Variants in SLC24A2 observed in about 807,000 individuals in gnomAD.
SLC24A2 encodes sodium/potassium/calcium exchanger 2.
Under a neutral mutation model 62.0 loss-of-function variants are expected in SLC24A2, and 36 were observed. That is an observed-to-expected ratio of 0.58 (90% confidence interval 0.44 to 0.77). SLC24A2 has a LOEUF of 0.77. SLC24A2 is among the 30% of genes least tolerant of loss of function. The pLI is 0.00. For synonymous variants in SLC24A2, 358 were observed against 294.0 expected, an observed-to-expected ratio of 1.22 and a Z score of -2.23; for missense variants, 846 against 817.9, an observed-to-expected ratio of 1.03 and a Z score of -0.42.
chr9:20,164,246 T>C, the SLC24A2 span, among the ~76,000 whole-genome samples: 1 of 151,834 alleles, frequency 6.6e-6, no homozygotes, highest in African/African-American at 2.4e-5. Context: ...GACAAAGGGC[T>C]AATATCCAGA....
intron 5 of SLC24A2, among the ~76,000 whole-genome samples, chr9:19,584,273 T>TAAAAAAAAAAAAAAAAAAAAAA (rs5896848): frequency 5.0e-5 from 6 of 119,932 alleles, no homozygotes; most frequent in Non-Finnish European, 7.0e-5. Context: ...TAGCAAATAG[T>TAAAAAAAAAAAAAAAAAAAAAA]AAAAAAAAAA....
the SLC24A2 span, among the ~76,000 whole-genome samples, chr9:19,942,712 G>A: frequency 2.6e-5 from 4 of 152,106 alleles, no homozygotes; most frequent in Non-Finnish European, 5.9e-5. Context: ...ATGTCTACGT[G>A]GCACTGTGCC....
chr9:19,675,826 G>A (rs761218013), intron 2 of SLC24A2, among the ~76,000 whole-genome samples: 99 of 152,116 alleles, frequency 6.5e-4, no homozygotes, highest in Admixed American at 2.3e-3. Context: ...CTGTGGCTTC[G>A]TGCTGTGTCT....
the SLC24A2 span, among the ~76,000 whole-genome samples, chr9:19,873,603 C>G: frequency 2.1e-5 from 3 of 146,332 alleles, no homozygotes; most frequent in Admixed American, 2.1e-4. Context: ...CTTTTCCTTT[C>G]TCTTTCCTTT....
At chr9:20,306,351 G>T in the SLC24A2 span, among the ~76,000 whole-genome samples, 1 of 152,182 alleles carries the variant, frequency 6.6e-6, no homozygotes, top group Non-Finnish European at 1.5e-5. Context: ...AAAATGCAAG[G>T]CAAGGCCCAA....
intron 2 of SLC24A2, among the ~76,000 whole-genome samples, chr9:19,630,671 T>C (rs1818155633): frequency 6.6e-6 from 1 of 152,144 alleles, no homozygotes; most frequent in South Asian, 2.1e-4. Context: ...ACAATTTCCA[T>C]ATAGGCAAAA....
intron 5 of SLC24A2, among the ~76,000 whole-genome samples, chr9:19,594,386 T>C (rs1452966352): frequency 6.6e-6 from 1 of 152,214 alleles, no homozygotes; most frequent in African/African-American, 2.4e-5. Flanking sequence ...ATTCTCTATA[T>C]TTAGAAATCA....
chr9:20,044,585 T>G, the SLC24A2 span, among the ~76,000 whole-genome samples: 1 of 152,178 alleles, frequency 6.6e-6, no homozygotes, highest in South Asian at 2.1e-4. Flanking sequence ...GGGTCCTCAC[T>G]GGGTCCTTGG....
At chr9:19,778,122 T>A (rs970902157) in intron 2 of SLC24A2, among the ~76,000 whole-genome samples, 1 of 152,206 alleles carries the variant, frequency 6.6e-6, no homozygotes, top group Non-Finnish European at 1.5e-5. Flanking sequence ...TTTTGAGAAA[T>A]CTATAGTCTG....
chr9:20,295,922 C>T, the SLC24A2 span, among the ~76,000 whole-genome samples: 2 of 152,208 alleles, frequency 1.3e-5, 1 homozygote, highest in South Asian at 4.2e-4. Context: ...AATCTATATC[C>T]TTTTGGTTCT....
At chr9:19,734,800 T>C (rs1821454639) in intron 2 of SLC24A2, among the ~76,000 whole-genome samples, 1 of 151,996 alleles carries the variant, frequency 6.6e-6, no homozygotes, top group Non-Finnish European at 1.5e-5. Flanking sequence ...ATGGGTTTTC[T>C]AGCCATATGT....
the SLC24A2 span, among the ~76,000 whole-genome samples, chr9:20,095,085 T>C: frequency 6.6e-6 from 1 of 152,266 alleles, no homozygotes; most frequent in South Asian, 2.1e-4. Context: ...AGATATGACA[T>C]CCTGTTTTCT....
chr9:20,197,462 C>G, the SLC24A2 span, among the ~76,000 whole-genome samples: 1 of 117,916 alleles, frequency 8.5e-6, no homozygotes, highest in African/African-American at 3.4e-5. Context: ...GACTGGGTCT[C>G]ACTCTGTTAC....
chr9:20,264,884 T>C, the SLC24A2 span, among the ~76,000 whole-genome samples: 3 of 152,212 alleles, frequency 2.0e-5, no homozygotes, highest in Non-Finnish European at 4.4e-5. Flanking sequence ...TTCTAAAATG[T>C]GTAATCTCTG....
rs536502900 is a variant in SLC24A2, at chr9:19,669,968, T to C, written c.931-47669A>G. 2.6e-5 allele frequency among the ~76,000 whole-genome samples: 4 copies of C among 152,344 alleles called. No individual in the cohort carries two copies. The East Asian group carries it at 5.8e-4, about 22-fold the overall frequency. ...TTGGAGAACATCCCACAATTATTGG[T>C]CCTTGGTGATTATCTTCTGTGTTAG... On this transcript the variant is annotated intron_variant, in intron 2 of 10. Coordinates refer to ENST00000341998, the MANE Select transcript of SLC24A2 (RefSeq NM_020344.4).
chr9:20,191,287 A>C, the SLC24A2 span, among the ~76,000 whole-genome samples: 1 of 151,972 alleles, frequency 6.6e-6, no homozygotes, highest in East Asian at 1.9e-4. Flanking sequence ...TGTAGTTTAT[A>C]TACTTACTGT....
chr9:20,184,404 G>A, the SLC24A2 span, among the ~76,000 whole-genome samples: 3 of 152,006 alleles, frequency 2.0e-5, no homozygotes, highest in Admixed American at 1.3e-4. Context: ...ACAAAAATTA[G>A]CCGGTATGCT....
intron 2 of SLC24A2, among the ~76,000 whole-genome samples, chr9:19,684,385 A>G (rs1819814971): frequency 6.6e-6 from 1 of 152,078 alleles, no homozygotes; most frequent in Non-Finnish European, 1.5e-5. Context: ...AGGACTCTTG[A>G]TGATGCTCTT....
the SLC24A2 span, among the ~76,000 whole-genome samples, chr9:20,260,012 G>C: frequency 1.3e-5 from 2 of 152,330 alleles, no homozygotes; most frequent in African/African-American, 4.8e-5. Context: ...GAGCCTCAGA[G>C]GTTGAGGCTG....
Sources: gnomAD v4.1 joint callset for allele counts (sites outside exome capture counted in the v4.1 genomes callset) on GRCh38, gnomAD v4.1.1 for gene constraint, MANE v1.5 for transcripts, NCBI Gene and HGNC (gene_info 2026-07-23, HGNC 2026-07-21) for gene names.